KCNC3: variants seen among roughly 807,000 people sequenced by gnomAD.
KCNC3 encodes voltage-gated potassium channel KCNC3.
Under a neutral mutation model 43.9 loss-of-function variants are expected in KCNC3, and 22 were observed. The observed-to-expected ratio is 0.50, with a 90% CI of 0.36 to 0.72. KCNC3 has a LOEUF of 0.72. Ranked by LOEUF, KCNC3 falls within the 30% of genes least tolerant of loss-of-function variation. KCNC3 has a pLI of 0.00. For missense variants in KCNC3, 829 were observed against 1,073.8 expected (o/e 0.77, Z 3.19); for synonymous variants, 492 against 488.0 (o/e 1.01, Z -0.11).
chr19:50,323,265 ATG>A lies in KCNC3; in HGVS notation c.1686_1687del (p.Ile563ProfsTer15). On this transcript the variant is annotated frameshift_variant, in exon 2 of 5. Transcript: ENST00000477616. LOFTEE classifies it high-confidence loss of function. The stretch of plus-strand genomic sequence containing the variant: ...CGAGCCCGGTTGCGGGGGCCGGGGG[ATG>A]TGTTTGTTCTTCTTCTTGGGCAGCT... 1.2e-6 allele frequency: 2 copies of A among 1,604,986 alleles called. No individual in the cohort carries two copies. Among genetic ancestry groups the A allele is most frequent in the South Asian group, 1.1e-5 (1 of 91,034 alleles).
At chr19:50,318,334 A>G (rs995364864) in intron 4 of KCNC3, among the ~76,000 whole-genome samples, 2 of 151,668 alleles carry the variant, frequency 1.3e-5, no homozygotes, top group East Asian at 1.9e-4. Context: ...ACCACCACGC[A>G]TGGCTAATTT....
chr19:50,318,726 T>C (rs2036988854), intron 4 of KCNC3, among the ~76,000 whole-genome samples: 1 of 152,194 alleles, frequency 6.6e-6, no homozygotes, highest in African/African-American at 2.4e-5. Context: ...TAAACCGTGA[T>C]GGCAGATTCA....
rs1253375113 is a variant in KCNC3 at position 50,316,034 on chromosome 19, TG to T, written c.*80del. ...TCCCAGCCATTCCCAATTGCTAACC[TG>T]GGGGGAAGGGGCGGGGGGGACCGAA... On this transcript the variant is annotated 3_prime_UTR_variant, in exon 5 of 5. Transcript: ENST00000477616. 3 of 66,600 alleles carry T rather than the reference TG, an allele frequency of 4.5e-5. No homozygotes were observed. Among genetic ancestry groups the T allele is most frequent in the East Asian group, 4.8e-4 (1 of 2,080 alleles). The allele number at this position is 66,600 out of a possible 1,614,324, so 4.1% of individuals were successfully genotyped here. A position where few individuals can be genotyped will look rare whatever the true frequency, so the allele number is the denominator to read the frequency against.
At chr19:50,327,975 T>C (rs112272250) in intron 1 of KCNC3, among the ~76,000 whole-genome samples, 2,182 of 146,452 alleles carry the variant, frequency 0.015, 57 homozygotes, top group African/African-American at 0.053. Context: ...AGGGGGAACT[T>C]TGGAGGGGTC....
chr19:50,333,088 CT>C (rs1278005962), upstream of KCNC3, among the ~76,000 whole-genome samples: 1 of 152,224 alleles, frequency 6.6e-6, no homozygotes, highest in Non-Finnish European at 1.5e-5. Context: ...CCGCTATAAT[CT>C]TTGGGTCCCT....
chr19:50,322,962 C>T lies in KCNC3; in HGVS notation c.1978+13G>A, dbSNP rs376888747. The T allele has an allele frequency of 1.3e-5, 20 of 1,550,320 alleles. No homozygotes were observed. Among genetic ancestry groups the T allele is most frequent in the South Asian group, 4.8e-5 (4 of 84,030 alleles). Reference sequence around the variant, plus strand: ...CTCCACCTGTGCCCCCGATCCCTGACGCCCAGGCTCACCTGCCCGGTTGAT... The same window carrying T: ...CTCCACCTGTGCCCCCGATCCCTGATGCCCAGGCTCACCTGCCCGGTTGAT... On this transcript the variant is annotated intron_variant, in intron 2 of 4. Coordinates refer to ENST00000477616, the MANE Select transcript of KCNC3 (RefSeq NM_004977.3).
At position 50,328,708 on chromosome 19, in the gene KCNC3, G is replaced by A; in HGVS notation, c.375C>T (p.Arg125=). The part of the protein sequence containing the change: ...AGLTEPEAAA[R]FDYDPGADEF... ...CGTCGGCGCCCGGGTCGTAGTCGAAGCGTGCCGCCGCCTCGGGCTCCGTCA... is the reference window on the plus strand; with the variant it reads ...CGTCGGCGCCCGGGTCGTAGTCGAAACGTGCCGCCGCCTCGGGCTCCGTCA... Residue 125 remains arginine (R), a synonymous_variant, in exon 1 of 5, where the codon CGC becomes CGT. Coordinates refer to ENST00000477616, the MANE Select transcript of KCNC3 (RefSeq NM_004977.3). The A allele has an allele frequency of 6.3e-7, 1 of 1,599,830 alleles. No homozygotes were observed. The highest frequency in any genetic ancestry group is 1.1e-5 in the South Asian group (1 of 89,664).
At position 50,318,024 on chromosome 19, in the gene KCNC3, C is replaced by A. The variant is rs184229821; in HGVS notation, c.*24-1933G>T. Among the ~76,000 whole-genome samples, 323 of 152,290 alleles carry A rather than the reference C, an allele frequency of 2.1e-3. 1 individual carries two copies. Among genetic ancestry groups the A allele is most frequent in the African/African-American group, 7.5e-3 (312 of 41,558 alleles). ...CCCAGGCTGGTCTCAAATTTCTAGG[C>A]TCAAATGATACTCCCACCTTGGCCT... On this transcript the variant is annotated intron_variant, in intron 4 of 4. Transcript: ENST00000477616.
At chr19:50,316,154 A>G (rs1040808636) in intron 4 of KCNC3, 63 bp from the exon 5 acceptor site, 1 of 398,528 alleles carries the variant, frequency 2.5e-6, no homozygotes, top group Non-Finnish European at 4.6e-6. Context: ...AAACCCCCCA[A>G]CACAGCCTCA....
At chr19:50,325,439 A>G (rs920185914) in intron 1 of KCNC3, among the ~76,000 whole-genome samples, 1 of 151,198 alleles carries the variant, frequency 6.6e-6, no homozygotes, top group African/African-American at 2.4e-5. Flanking sequence ...CCCTCTGTGC[A>G]CCCCCCTTCC....
chr19:50,323,427 A>G lies in KCNC3; in HGVS notation c.1526T>C (p.Met509Thr). The change falls in exon 2 of 5, where the codon ATG (methionine) becomes ACG (threonine). Residue 509 changes from methionine (M) to threonine (T), a missense_variant. Coordinates refer to ENST00000477616, the MANE Select transcript of KCNC3 (RefSeq NM_004977.3). Reference protein sequence around the residue: ...VTMTTLGYGDMYPKTWSGMLV... With the variant: ...VTMTTLGYGDTYPKTWSGMLV... ...CATCCCCGACCACGTCTTGGGGTAC[A>G]TGTCTCCATAGCCCAGGGTCGTCAT... 1 of 1,614,184 alleles carries G rather than the reference A, an allele frequency of 6.2e-7. No homozygotes were observed. Among genetic ancestry groups the G allele is most frequent in the Non-Finnish European group, 8.5e-7 (1 of 1,180,028 alleles).
At chr19:50,325,258 A>C (rs1231287904) in intron 1 of KCNC3, among the ~76,000 whole-genome samples, 1 of 151,832 alleles carries the variant, frequency 6.6e-6, no homozygotes, top group Non-Finnish European at 1.5e-5. Flanking sequence ...TGCATTGGAG[A>C]GGGAAGGAAG....
rs1461243128 is a variant in KCNC3 at position 50,315,977 on chromosome 19, G to A, written c.*138C>T. Reference sequence around the variant, plus strand: ...TCGTAGGAGGGAGGGCTTGGGGGGAGATTTGAAGCCCAGTGTCTTGGGGAC... The same window carrying A: ...TCGTAGGAGGGAGGGCTTGGGGGGAAATTTGAAGCCCAGTGTCTTGGGGAC... On this transcript the variant is annotated 3_prime_UTR_variant, in exon 5 of 5. Transcript: ENST00000477616. 7.0e-6 allele frequency: 2 copies of A among 286,508 alleles called. No individual in the cohort carries two copies. The highest frequency in any genetic ancestry group is 1.4e-5 in the Non-Finnish European group (2 of 144,970). The allele number at this position is 286,508 out of a possible 1,614,324, so 17.7% of individuals were successfully genotyped here.
At position 50,313,586 on chromosome 19, in the gene KCNC3, G is replaced by A. The variant is rs557310749; in HGVS notation, c.*2529C>T. 6.6e-6 allele frequency: 1 copy of A among 152,320 alleles called. No homozygotes were observed. The highest frequency in any genetic ancestry group is 2.4e-5 in the African/African-American group (1 of 41,558). The allele number at this position is 152,320 out of a possible 1,614,324, so 9.4% of individuals were successfully genotyped here. A position where few individuals can be genotyped will look rare whatever the true frequency, so the allele number is the denominator to read the frequency against. ...CAGGGTTAGGCGTAAGACAAAGAGG[G>A]TGCTTGGGGAGGGTCTGGTTCCCTG... On this transcript the variant is annotated 3_prime_UTR_variant, in exon 5 of 5. Coordinates refer to ENST00000477616, the MANE Select transcript of KCNC3 (RefSeq NM_004977.3).
At chr19:50,322,940 C>CT in intron 2 of KCNC3, 35 bp downstream of exon 2, 1 of 1,548,298 alleles carries the variant, frequency 6.5e-7, no homozygotes, top group Non-Finnish European at 8.7e-7. Context: ...CCCGGGTCTC[C>CT]ACCTGTGCCC....
rs1289442828 is a variant in KCNC3 at position 50,315,584 on chromosome 19, G to A, written c.*531C>T. ...AGGCAGGGGGTGGGGTCTGCAAGGG[G>A]GCTGAGTGGAGCGAAGCTGGCAGTG... On this transcript the variant is annotated 3_prime_UTR_variant, in exon 5 of 5. Transcript: ENST00000477616. 6.8e-6 allele frequency: 1 copy of A among 146,176 alleles called. No individual in the cohort carries two copies. The highest frequency in any genetic ancestry group is 1.5e-5 in the Non-Finnish European group (1 of 66,470). 9.1% of individuals were successfully genotyped at this position (146,176 alleles called of 1,614,324 possible).
chr19:50,318,101 T>C (rs766387376), intron 4 of KCNC3, among the ~76,000 whole-genome samples: 1 of 152,132 alleles, frequency 6.6e-6, no homozygotes, highest in Non-Finnish European at 1.5e-5. Context: ...CCAGACCTCT[T>C]TAACTGAAGT....
chr19:50,328,895 T>C lies in KCNC3; in HGVS notation c.188A>G (p.Asp63Gly), dbSNP rs375912738. Residue 63 changes from aspartate (D) to glycine (G), a missense_variant, in exon 1 of 5, where the codon GAC becomes GGC. Physicochemically the swap from Asp to Gly is moderately conservative, Grantham distance 94 (BLOSUM62 -1). Around this residue, in one of 7 missense-constraint regions of KCNC3, gnomAD observed 129 missense variants for 83.6 expected, o/e 1.54. Transcript: ENST00000477616. ...CCCGGGGCATGGCTCGGCGCGCCGG[T>C]CCCCGGGCCCGCGGGGTGCCGGGGG... Reference protein sequence around the residue: ...AGPPAPRGPGDRRAEPCPGLP... With the variant: ...AGPPAPRGPGGRRAEPCPGLP... 0.98 allele frequency: 1,014,320 copies of C among 1,030,808 alleles called. 499,069 individuals are homozygous for C. The highest frequency in any genetic ancestry group is 1 in the East Asian group (15,144 of 15,144). 63.9% of individuals were successfully genotyped at this position (1,030,808 alleles called of 1,614,324 possible). A position where few individuals can be genotyped will look rare whatever the true frequency, so the allele number is the denominator to read the frequency against.
At chr19:50,329,828 G>A (rs1364827721), upstream of KCNC3, 1 of 152,358 alleles carries the variant, frequency 6.6e-6, no homozygotes, top group Admixed American at 6.5e-5. Flanking sequence ...GAGAGTCCTG[G>A]AAACCCGAGA....
Sources: gnomAD v4.1 joint callset for allele counts (sites outside exome capture counted in the v4.1 genomes callset) on GRCh38, gnomAD v4.1.1 for gene constraint, gnomAD v4.1.1 regional missense constraint, MANE v1.5 for transcripts, NCBI Gene and HGNC (gene_info 2026-07-23, HGNC 2026-07-21) for gene names.